SAMD12: variants seen among roughly 807,000 people sequenced by gnomAD.
SAMD12 encodes the protein sterile alpha motif domain containing 12.
In SAMD12, 9 loss-of-function variants were observed where a neutral mutation model predicts 15.0. The observed-to-expected ratio is 0.60, with a 90% CI of 0.36 to 1.05. SAMD12 has a LOEUF of 1.05. Ranked by LOEUF, SAMD12 falls within the 50% of genes least tolerant of loss-of-function variation. The pLI is 0.01. For synonymous variants in SAMD12, 86 were observed against 90.1 expected, an observed-to-expected ratio of 0.96 and a Z score of 0.25; for missense variants, 230 against 234.2, an observed-to-expected ratio of 0.98 and a Z score of 0.12.
intron 4 of SAMD12, among the ~76,000 whole-genome samples, chr8:118,269,220 CTGTGTGTGTG>C (rs71515963): frequency 0.02 from 2,468 of 122,846 alleles, 24 homozygotes; most frequent in African/African-American, 0.026. Flanking sequence ...CTCTCTCTCT[CTGTGTGTGTG>C]TGTGTGTGTG....
intron 3 of SAMD12, among the ~76,000 whole-genome samples, chr8:118,402,066 G>A (rs553927398): frequency 2.6e-4 from 39 of 151,998 alleles, no homozygotes; most frequent in African/African-American, 9.2e-4. Context: ...TGTTTCCAAG[G>A]TTTTATTCTA....
chr8:118,516,593 A>C (rs1261975226), intron 2 of SAMD12, among the ~76,000 whole-genome samples: 2 of 150,138 alleles, frequency 1.3e-5, no homozygotes, highest in South Asian at 2.1e-4. Flanking sequence ...TTTTCCTTAA[A>C]TCTAACTTGT....
chr8:118,181,832 CAG>C, the SAMD12 span, among the ~76,000 whole-genome samples: 2 of 152,212 alleles, frequency 1.3e-5, no homozygotes, highest in African/African-American at 4.8e-5. Context: ...TTAAATAAAA[CAG>C]TGCATTAAAG....
chr8:118,437,570 G>A (rs1003598678), intron 3 of SAMD12, among the ~76,000 whole-genome samples: 18 of 152,114 alleles, frequency 1.2e-4, no homozygotes, highest in African/African-American at 4.3e-4. Flanking sequence ...CTCTGAGCCA[G>A]GTACTATTTT....
intron 3 of SAMD12, among the ~76,000 whole-genome samples, chr8:118,411,557 A>G (rs900178591): frequency 2.0e-5 from 3 of 152,192 alleles, no homozygotes; most frequent in Non-Finnish European, 4.4e-5. Context: ...AGGGCTTTGA[A>G]AAATCTTAAG....
At chr8:118,215,669 G>A (rs1484137946) in intron 4 of SAMD12, among the ~76,000 whole-genome samples, 3 of 145,852 alleles carry the variant, frequency 2.1e-5, no homozygotes, top group Non-Finnish European at 4.5e-5. Context: ...CTGTGTCCAC[G>A]TGATCTCATT....
chr8:118,600,128 T>C (rs1827824212), intron 1 of SAMD12, among the ~76,000 whole-genome samples: 1 of 152,210 alleles, frequency 6.6e-6, no homozygotes, highest in Non-Finnish European at 1.5e-5. Context: ...AGTGTGCTGG[T>C]TTTCTAACCT....
intron 4 of SAMD12, among the ~76,000 whole-genome samples, chr8:118,353,268 A>C (rs890808437): frequency 2.0e-5 from 3 of 149,512 alleles, no homozygotes; most frequent in Non-Finnish European, 4.4e-5. Flanking sequence ...CCAACATACT[A>C]GATAGTAAAC....
chr8:118,167,289 G>A, the SAMD12 span, among the ~76,000 whole-genome samples: 1 of 151,844 alleles, frequency 6.6e-6, no homozygotes, highest in African/African-American at 2.4e-5. Flanking sequence ...TTGACACCAT[G>A]GCCTGCTCCA....
rs1174713247 is a variant in SAMD12 at position 118,244,654 on chromosome 8, T to C, written c.434-46922A>G. Among the ~76,000 whole-genome samples the C allele has an allele frequency of 2.0e-5, 3 of 152,134 alleles. No homozygotes were observed. The East Asian group carries it at 5.8e-4, about 29-fold the overall frequency. On this transcript the variant is annotated intron_variant, in intron 4 of 4. Transcript: ENST00000409003. ...AAAATTCCTCTGAAAGAGGGAACCA[T>C]CTTTGTTGGATAAAATTTTGTGATG...
chr8:118,313,270 A>G (rs186243489), intron 4 of SAMD12, among the ~76,000 whole-genome samples: 1 of 152,360 alleles, frequency 6.6e-6, no homozygotes, highest in South Asian at 2.1e-4. Context: ...CTCTGATGGC[A>G]TGCAGTTGTG....
chr8:118,440,866 C>T (rs571640475), intron 2 of SAMD12, among the ~76,000 whole-genome samples: 4 of 152,192 alleles, frequency 2.6e-5, no homozygotes, highest in South Asian at 2.1e-4. Context: ...TGGTTTTAGA[C>T]AGATTAATGC....
the SAMD12 span, among the ~76,000 whole-genome samples, chr8:118,146,121 C>T: frequency 4.6e-5 from 7 of 152,312 alleles, no homozygotes; most frequent in East Asian, 1.2e-3. Flanking sequence ...GACTTCGGTA[C>T]AGGAAAACTT....
chr8:118,239,434 C>A (rs1394501904), intron 4 of SAMD12, among the ~76,000 whole-genome samples: 1 of 152,024 alleles, frequency 6.6e-6, no homozygotes, highest in Non-Finnish European at 1.5e-5. Flanking sequence ...ACAAAACTAC[C>A]AAGACTCTTC....
intron 2 of SAMD12, among the ~76,000 whole-genome samples, chr8:118,492,814 T>C (rs1008448684): frequency 6.6e-6 from 1 of 152,210 alleles, no homozygotes. Context: ...ATATAAACCA[T>C]ATATGAAAGC....
At chr8:118,485,746 A>G (rs973456333) in intron 2 of SAMD12, among the ~76,000 whole-genome samples, 2 of 152,220 alleles carry the variant, frequency 1.3e-5, no homozygotes, top group Admixed American at 6.5e-5. Flanking sequence ...GTGTTTGAGG[A>G]TAAAAGGGAA....
intron 2 of SAMD12, among the ~76,000 whole-genome samples, chr8:118,481,566 CTT>C (rs1192443637): frequency 6.6e-6 from 1 of 152,092 alleles, no homozygotes; most frequent in Non-Finnish European, 1.5e-5. Context: ...TCCTAACAGG[CTT>C]TGTAGAGGAG....
At chr8:118,163,852 G>C in the SAMD12 span, among the ~76,000 whole-genome samples, 1 of 149,086 alleles carries the variant, frequency 6.7e-6, no homozygotes, top group Non-Finnish European at 1.5e-5. Context: ...TCCAGCCTGG[G>C]AGACAGAGCG....
At chr8:118,437,371 A>G (rs1296258144) in intron 3 of SAMD12, among the ~76,000 whole-genome samples, 1 of 152,192 alleles carries the variant, frequency 6.6e-6, no homozygotes, top group Admixed American at 6.5e-5. Context: ...TAAGTCCCCA[A>G]GTAATTCCCT....
Sources: allele counts gnomAD v4.1 joint callset (sites outside exome capture counted in the v4.1 genomes callset), GRCh38; gene constraint gnomAD v4.1.1; transcripts MANE v1.5; gene names NCBI Gene and HGNC (gene_info 2026-07-23, HGNC 2026-07-21).